SNTG1: variants seen among roughly 807,000 people sequenced by gnomAD.
SNTG1 encodes the protein syntrophin gamma 1, also known as gamma-1-syntrophin.
Under a neutral mutation model 74.7 loss-of-function variants are expected in SNTG1, and 39 were observed. That is an observed-to-expected ratio of 0.52 (90% CI 0.40 to 0.68). SNTG1 has a LOEUF of 0.68. SNTG1 is among the 30% of genes least tolerant of loss of function. The probability of loss-of-function intolerance (pLI) is 0.00; values close to 1 mark genes in which losing one functional copy is unlikely to be tolerated. For missense variants in SNTG1, 685 were observed against 609.5 expected (o/e 1.12, Z -1.30); for synonymous variants, 254 against 217.1 (o/e 1.17, Z -1.49).
chr8:50,464,121 C>T (rs1257599560), intron 8 of SNTG1, among the ~76,000 whole-genome samples: 2 of 152,130 alleles, frequency 1.3e-5, no homozygotes, highest in South Asian at 4.1e-4. Context: ...CTGGATTAGG[C>T]TTTGGATTAA....
intron 13 of SNTG1, among the ~76,000 whole-genome samples, chr8:50,634,878 A>T (rs2095028842): frequency 6.6e-6 from 1 of 152,132 alleles, no homozygotes; most frequent in Non-Finnish European, 1.5e-5. Context: ...TATGTTTTCC[A>T]TTTCTACAAT....
intron 2 of SNTG1, among the ~76,000 whole-genome samples, chr8:50,340,805 C>G (rs2091293881): frequency 6.6e-6 from 1 of 151,870 alleles, no homozygotes; most frequent in South Asian, 2.1e-4. Flanking sequence ...ATGATGCACT[C>G]TGTAAGTCTA....
chr8:50,574,587 C>T (rs907800649), intron 12 of SNTG1, among the ~76,000 whole-genome samples: 1 of 152,016 alleles, frequency 6.6e-6, no homozygotes, highest in South Asian at 2.1e-4. Flanking sequence ...TGCCAGCTTC[C>T]TATGTTTATG....
At chr8:50,194,514 T>C (rs1376749742) in intron 2 of SNTG1, among the ~76,000 whole-genome samples, 1 of 152,168 alleles carries the variant, frequency 6.6e-6, no homozygotes, top group Non-Finnish European at 1.5e-5. Flanking sequence ...AGTTGTAATA[T>C]CTCCTGTTTC....
intron 2 of SNTG1, among the ~76,000 whole-genome samples, chr8:50,367,570 A>T (rs1343100840): frequency 6.6e-6 from 1 of 152,184 alleles, no homozygotes; most frequent in Admixed American, 6.5e-5. Context: ...AAAATACAGC[A>T]AAATGTACTT....
intron 1 of SNTG1, among the ~76,000 whole-genome samples, chr8:49,982,649 T>C (rs1384462997): frequency 6.7e-6 from 1 of 148,432 alleles, no homozygotes; most frequent in East Asian, 2.0e-4. Context: ...TGTGTGTGTG[T>C]GTGTGTGTGT....
Position 50,344,663 on chromosome 8 carries a change from C to T in SNTG1, c.-27-49549C>T, listed in dbSNP as rs1450133. On this transcript the variant is annotated intron_variant, in intron 2 of 18. Coordinates refer to ENST00000642720, the MANE Select transcript of SNTG1 (RefSeq NM_018967.5). Reference sequence around the variant, plus strand: ...TCATCTGCTCTTCAAAATTTCATCTCATTATTGCTCAAGGCGAAGATCCAG... The same window carrying T: ...TCATCTGCTCTTCAAAATTTCATCTTATTATTGCTCAAGGCGAAGATCCAG... Among the ~76,000 whole-genome samples the T allele has an allele frequency of 5.6e-3, 847 of 152,276 alleles. 12 individuals are homozygous for T. The highest frequency in any genetic ancestry group is 0.02 in the African/African-American group (813 of 41,548).
At chr8:50,526,022 A>T (rs558402974) in intron 9 of SNTG1, among the ~76,000 whole-genome samples, 1 of 152,216 alleles carries the variant, frequency 6.6e-6, no homozygotes, top group African/African-American at 2.4e-5. Flanking sequence ...AGTGTCTCCC[A>T]AACATTTTCA....
Position 50,187,588 on chromosome 8 carries a change from T to C in SNTG1, c.-28+14953T>C, listed in dbSNP as rs146464848. On this transcript the variant is annotated intron_variant, in intron 2 of 18. Transcript: ENST00000642720. ...CTTATAGAATTAAAAAAATAAGCAA[T>C]ATCAAACTGCACAAACCCATACATA... Among the ~76,000 whole-genome samples, 805 of 152,222 alleles carry C rather than the reference T, an allele frequency of 5.3e-3. 18 individuals carry two copies. The highest frequency in any genetic ancestry group is 0.019 in the African/African-American group (776 of 41,536).
chr8:50,672,201 A>T (rs528400432), intron 15 of SNTG1, among the ~76,000 whole-genome samples: 7 of 145,606 alleles, frequency 4.8e-5, no homozygotes, highest in African/African-American at 7.4e-5. Context: ...TAATAATAAT[A>T]AAAAAAAATG....
chr8:50,410,229 T>A (rs1047411571), intron 4 of SNTG1, among the ~76,000 whole-genome samples: 1 of 152,146 alleles, frequency 6.6e-6, no homozygotes, highest in Non-Finnish European at 1.5e-5. Flanking sequence ...ATGGATAGAT[T>A]CTTAATAGGT....
intron 4 of SNTG1, among the ~76,000 whole-genome samples, chr8:50,409,756 T>A (rs954860054): frequency 1.3e-5 from 2 of 152,362 alleles, no homozygotes; most frequent in Non-Finnish European, 2.9e-5. Context: ...CTGTGCTAGT[T>A]TTAAATATTG....
At chr8:50,619,251 TG>T in intron 13 of SNTG1, among the ~76,000 whole-genome samples, 1 of 152,318 alleles carries the variant, frequency 6.6e-6, no homozygotes, top group Middle Eastern at 3.4e-3. Context: ...TTAAGTATGA[TG>T]AATATTTTAA....
intron 1 of SNTG1, among the ~76,000 whole-genome samples, chr8:49,975,149 A>G (rs1031501198): frequency 6.6e-6 from 1 of 152,192 alleles, no homozygotes; most frequent in African/African-American, 2.4e-5. Context: ...ACTTAAAGAC[A>G]TATTTGGCGG....
chr8:50,134,534 T>C (rs1408679711), intron 1 of SNTG1, among the ~76,000 whole-genome samples: 2 of 152,148 alleles, frequency 1.3e-5, no homozygotes, highest in Non-Finnish European at 2.9e-5. Context: ...TTTTTTTAAA[T>C]AGAATATGGT....
intron 2 of SNTG1, among the ~76,000 whole-genome samples, chr8:50,212,760 A>T (rs2084583128): frequency 6.6e-6 from 1 of 152,216 alleles, no homozygotes; most frequent in African/African-American, 2.4e-5. Context: ...TGAATGGAAC[A>T]GATCAGACAC....
chr8:50,608,366 T>C (rs933905367), intron 13 of SNTG1, among the ~76,000 whole-genome samples: 1 of 151,728 alleles, frequency 6.6e-6, no homozygotes, highest in Non-Finnish European at 1.5e-5. Context: ...TTTCATTATA[T>C]ATTGTGTTTC....
At chr8:50,473,930 G>C (rs1218811747) in intron 8 of SNTG1, among the ~76,000 whole-genome samples, 3 of 151,986 alleles carry the variant, frequency 2.0e-5, no homozygotes, top group Non-Finnish European at 4.4e-5. Context: ...GGAACAGAGG[G>C]TTATTGTTTT....
intron 18 of SNTG1, among the ~76,000 whole-genome samples, chr8:50,767,382 T>A (rs1181712670): frequency 2.0e-5 from 3 of 151,980 alleles, no homozygotes; most frequent in Non-Finnish European, 2.9e-5. Context: ...CTTTGTTTTA[T>A]CTTTTTGCTG....
Sources: gnomAD v4.1 joint callset for allele counts (sites outside exome capture counted in the v4.1 genomes callset) on GRCh38, gnomAD v4.1.1 for gene constraint, MANE v1.5 for transcripts, NCBI Gene and HGNC (gene_info 2026-07-23, HGNC 2026-07-21) for gene names.